The following GRID2 variants were observed in gnomAD, a reference collection of about 807,000 sequenced individuals.
GRID2 encodes the protein glutamate ionotropic receptor delta type subunit 2.
GRID2 carries 33 observed loss-of-function variants against 114.8 expected under a neutral mutation model. That is an observed-to-expected ratio of 0.29 (90% CI 0.22 to 0.38). The LOEUF (loss-of-function observed/expected upper bound fraction) is 0.38. GRID2 is among the 10% of genes least tolerant of loss of function. GRID2 has a pLI of 1.00. For synonymous variants in GRID2, 505 were observed against 449.9 expected (o/e 1.12, Z -1.55); for missense variants, 1,184 against 1,257.7 (o/e 0.94, Z 0.89).
intron 2 of GRID2, among the ~76,000 whole-genome samples, chr4:92,893,425 A>G (rs923783663): frequency 1.3e-5 from 2 of 152,164 alleles, no homozygotes; most frequent in Admixed American, 6.6e-5. Flanking sequence ...CTGGATTGAC[A>G]TAAATCCTGA....
At chr4:92,927,172 G>T (rs1040261215) in intron 2 of GRID2, among the ~76,000 whole-genome samples, 1 of 151,816 alleles carries the variant, frequency 6.6e-6, no homozygotes, top group Non-Finnish European at 1.5e-5. Context: ...GTATCAACAT[G>T]TTCCCAGCAC....
chr4:93,336,236 T>C (rs1759073497), intron 8 of GRID2, among the ~76,000 whole-genome samples: 1 of 152,198 alleles, frequency 6.6e-6, no homozygotes, highest in Admixed American at 6.5e-5. Flanking sequence ...GTATTCCTTT[T>C]GTATACCCCC....
chr4:93,151,131 A>C (rs963763228), intron 4 of GRID2, among the ~76,000 whole-genome samples: 2 of 151,292 alleles, frequency 1.3e-5, no homozygotes, highest in Admixed American at 6.6e-5. Flanking sequence ...AAAAAAAAAA[A>C]AAAAAGAAAG....
At chr4:93,581,493 G>A (rs555917154) in intron 13 of GRID2, among the ~76,000 whole-genome samples, 2 of 152,178 alleles carry the variant, frequency 1.3e-5, no homozygotes, top group African/African-American at 4.8e-5. Flanking sequence ...GATAATGTTA[G>A]GGAAGCCAAG....
At chr4:93,730,325 A>G (rs1730368259) in intron 14 of GRID2, among the ~76,000 whole-genome samples, 1 of 152,224 alleles carries the variant, frequency 6.6e-6, no homozygotes, top group Non-Finnish European at 1.5e-5. Context: ...CCTAGATAGT[A>G]GTTAAGAACT....
At chr4:93,305,129 A>G (rs1173965394) in intron 8 of GRID2, among the ~76,000 whole-genome samples, 1 of 152,166 alleles carries the variant, frequency 6.6e-6, no homozygotes, top group Non-Finnish European at 1.5e-5. Context: ...TGACTCCCCA[A>G]AATGAGGGGA....
chr4:92,536,428 C>A (rs549621997), intron 1 of GRID2, among the ~76,000 whole-genome samples: 2 of 152,116 alleles, frequency 1.3e-5, no homozygotes, highest in South Asian at 4.1e-4. Flanking sequence ...CCTCTCACTA[C>A]GTTGCATAGT....
At chr4:92,439,593 A>G (rs1365233165) in intron 1 of GRID2, among the ~76,000 whole-genome samples, 1 of 146,790 alleles carries the variant, frequency 6.8e-6, no homozygotes, top group Non-Finnish European at 1.5e-5. Context: ...TCTTGTGGTA[A>G]GGGGTGATAT....
intron 14 of GRID2, among the ~76,000 whole-genome samples, chr4:93,647,144 G>T (rs189398524): frequency 2.0e-5 from 3 of 152,162 alleles, no homozygotes; most frequent in African/African-American, 7.2e-5. Flanking sequence ...GTTATTAAGG[G>T]ATGCTTAAAT....
intron 1 of GRID2, among the ~76,000 whole-genome samples, chr4:92,528,072 T>C (rs1395948843): frequency 1.3e-5 from 2 of 152,080 alleles, no homozygotes; most frequent in Non-Finnish European, 1.5e-5. Flanking sequence ...ATTGGTTGAA[T>C]TGGCCTTTTC....
intron 2 of GRID2, among the ~76,000 whole-genome samples, chr4:92,937,710 T>C (rs1299573077): frequency 6.8e-6 from 1 of 146,932 alleles, no homozygotes; most frequent in African/African-American, 2.4e-5. Flanking sequence ...TAGGATCAGC[T>C]TTCTTTAACA....
chr4:92,662,735 C>T (rs1411807893), intron 2 of GRID2, among the ~76,000 whole-genome samples: 1 of 151,106 alleles, frequency 6.6e-6, no homozygotes, highest in Non-Finnish European at 1.5e-5. Flanking sequence ...AACATATATT[C>T]CAAATCAATT....
At chr4:93,114,180 A>G (rs1031859488) in intron 4 of GRID2, among the ~76,000 whole-genome samples, 5 of 152,146 alleles carry the variant, frequency 3.3e-5, no homozygotes, top group Non-Finnish European at 7.4e-5. Context: ...GAGTGTTAGA[A>G]TTCATGAAGC....
chr4:92,886,728 C>A (rs547305856), intron 2 of GRID2, among the ~76,000 whole-genome samples: 1 of 152,088 alleles, frequency 6.6e-6, no homozygotes, highest in Non-Finnish European at 1.5e-5. Context: ...CAGGTTCATG[C>A]CATTCTCCTG....
chr4:92,979,597 G>A (rs770184752), intron 2 of GRID2, among the ~76,000 whole-genome samples: 5 of 151,988 alleles, frequency 3.3e-5, no homozygotes, highest in South Asian at 2.1e-4. Context: ...TTTTGCCTTC[G>A]AACAATGACA....
intron 14 of GRID2, among the ~76,000 whole-genome samples, chr4:93,648,291 T>C (rs11727663): frequency 0.13 from 20,483 of 152,116 alleles, 1,790 homozygotes; most frequent in Non-Finnish European, 0.19. Flanking sequence ...GAAAGAAATA[T>C]GGATTTAGGA....
intron 2 of GRID2, among the ~76,000 whole-genome samples, chr4:92,995,798 G>T (rs548615641): frequency 6.6e-6 from 1 of 152,214 alleles, no homozygotes; most frequent in South Asian, 2.1e-4. Flanking sequence ...AGACTTCTCA[G>T]ATAATGCTAC....
At position 93,286,692 on chromosome 4, in the gene GRID2, G is replaced by GT. The variant is rs1561086976; in HGVS notation, c.1245+48202_1245+48203insT. Among the ~76,000 whole-genome samples the GT allele has an allele frequency of 3.0e-3, 426 of 141,442 alleles. 2 individuals carry two copies. The highest frequency in any genetic ancestry group is 0.012 in the African/African-American group (405 of 33,272). 92.8% of individuals were successfully genotyped at this position (141,442 alleles called of 152,430 possible). On this transcript the variant is annotated intron_variant, in intron 8 of 15. Coordinates refer to ENST00000282020, the MANE Select transcript of GRID2 (RefSeq NM_001510.4). The stretch of plus-strand genomic sequence containing the variant: ...GCTTTTGTGTATGTGTGTGTGTGTG[G>GT]GGGTGTGTGTGTGTGTGTGTGTGTG...
intron 6 of GRID2, among the ~76,000 whole-genome samples, chr4:93,218,310 G>C (rs1035750631): frequency 1.1e-4 from 17 of 152,000 alleles, no homozygotes; most frequent in African/African-American, 4.1e-4. Flanking sequence ...GACCAGCCTG[G>C]GCAGCATGGC....
Sources: gnomAD v4.1 joint callset for allele counts (sites outside exome capture counted in the v4.1 genomes callset) on GRCh38, gnomAD v4.1.1 for gene constraint, MANE v1.5 for transcripts, NCBI Gene and HGNC (gene_info 2026-07-23, HGNC 2026-07-21) for gene names.